ROBO2: variants seen among roughly 807,000 people sequenced by gnomAD.
ROBO2 encodes the protein roundabout homolog 2.
ROBO2 carries 53 observed loss-of-function variants against 160.8 expected under a neutral mutation model. The ratio of observed to expected loss-of-function variants is 0.33; its 90% CI spans 0.26 to 0.41. The LOEUF is 0.41. Ranked by LOEUF, ROBO2 falls within the 10% of genes least tolerant of loss-of-function variation. The pLI, the probability that ROBO2 is intolerant of heterozygous loss-of-function variation, is 1.00. For synonymous variants in ROBO2, 664 were observed against 611.7 expected (o/e 1.09, Z -1.26); for missense variants, 1,577 against 1,722.4 (o/e 0.92, Z 1.49).
At chr3:75,984,041 A>G (rs907858467) in intron 2 of ROBO2, among the ~76,000 whole-genome samples, 1 of 151,406 alleles carries the variant, frequency 6.6e-6, no homozygotes, top group Non-Finnish European at 1.5e-5. Flanking sequence ...AAATATTTCC[A>G]TCTGGAAGTG....
chr3:76,650,422 T>C (rs2091199697), intron 2 of ROBO2, among the ~76,000 whole-genome samples: 1 of 152,088 alleles, frequency 6.6e-6, no homozygotes, highest in Non-Finnish European at 1.5e-5. Flanking sequence ...TGCTTTATAG[T>C]TTTACCAAAT....
intron 2 of ROBO2, among the ~76,000 whole-genome samples, chr3:76,593,520 G>A (rs140732037): frequency 6.6e-6 from 1 of 152,046 alleles, no homozygotes; most frequent in Non-Finnish European, 1.5e-5. Context: ...TGAAATGAAT[G>A]AGCAGAACAT....
rs374507124 is a variant in ROBO2, at chr3:76,053,901, A to G, written c.109+116299A>G. ...AGCTTTTCAGAGCTTTTTATAGTTT[A>G]ATAAACATTTGCCTATTTCCCAAAA... is the stretch of plus-strand genomic sequence containing the variant. On this transcript the variant is annotated intron_variant, in intron 2 of 26. Coordinates refer to the ROBO2 transcript ENST00000487694. Among the ~76,000 whole-genome samples, 5 of 152,082 alleles carry G rather than the reference A, an allele frequency of 3.3e-5. No homozygotes were observed. In the East Asian group the frequency reaches 7.7e-4, roughly 23 times the overall value.
intron 2 of ROBO2, among the ~76,000 whole-genome samples, chr3:76,868,750 C>G (rs950972859): frequency 1.3e-5 from 2 of 151,550 alleles, no homozygotes; most frequent in East Asian, 3.9e-4. Context: ...CTAAAAATCA[C>G]TCGATGATTT....
At chr3:77,299,310 A>G (rs1340158894) in intron 2 of ROBO2, among the ~76,000 whole-genome samples, 1 of 152,130 alleles carries the variant, frequency 6.6e-6, no homozygotes, top group Non-Finnish European at 1.5e-5. Flanking sequence ...CTTAAGAGAG[A>G]GCGAAGACTA....
intron 2 of ROBO2, among the ~76,000 whole-genome samples, chr3:76,449,506 A>G (rs1299569345): frequency 1.3e-5 from 2 of 152,144 alleles, no homozygotes; most frequent in African/African-American, 2.4e-5. Context: ...TACATATTTC[A>G]TAAGAACTTT....
At chr3:77,245,083 T>C (rs564245044) in intron 2 of ROBO2, among the ~76,000 whole-genome samples, 1 of 152,266 alleles carries the variant, frequency 6.6e-6, no homozygotes, top group African/African-American at 2.4e-5. Flanking sequence ...CCAAGTTTTG[T>C]GCATGCTGCA....
At chr3:76,613,591 A>G (rs1242715532) in intron 2 of ROBO2, among the ~76,000 whole-genome samples, 1 of 151,872 alleles carries the variant, frequency 6.6e-6, no homozygotes, top group Non-Finnish European at 1.5e-5. Context: ...AAGTGCAGAG[A>G]GAAGACGGTA....
At chr3:77,593,025 C>T (rs2094215148) in intron 17 of ROBO2, among the ~76,000 whole-genome samples, 1 of 152,112 alleles carries the variant, frequency 6.6e-6, no homozygotes. Flanking sequence ...CTGGCAGTAA[C>T]AGAAAGTTTG....
intron 2 of ROBO2, among the ~76,000 whole-genome samples, chr3:77,024,571 G>T (rs1053074081): frequency 2.6e-5 from 4 of 152,086 alleles, no homozygotes; most frequent in Non-Finnish European, 5.9e-5. Flanking sequence ...TTAGGGATTT[G>T]TGGACTCTAA....
chr3:76,587,214 T>C (rs1018496782), intron 2 of ROBO2, among the ~76,000 whole-genome samples: 1 of 152,142 alleles, frequency 6.6e-6, no homozygotes, highest in Admixed American at 6.5e-5. Flanking sequence ...TTATTTATGT[T>C]TTTATTGCTT....
Position 77,075,672 on chromosome 3 carries a change from C to CTTTTTTTTTTTTTTTTTTTTTTTT in ROBO2, c.62-22319_62-22318insTTTTTTTTTTTTTTTTTTTTTTTT, listed in dbSNP as rs1174587812. On this transcript the variant is annotated intron_variant, in intron 1 of 25. Transcript: ENST00000461745. ...ATACACTACTATTTCTTTCTTTCTC[C>CTTTTTTTTTTTTTTTTTTTTTTTT]TTTTTTTTTTTTTTTTTTTTTTTGA... Among the ~76,000 whole-genome samples, 2 of 87,254 alleles carry CTTTTTTTTTTTTTTTTTTTTTTTT rather than the reference C, an allele frequency of 2.3e-5. 1 individual carries two copies. Among genetic ancestry groups the CTTTTTTTTTTTTTTTTTTTTTTTT allele is most frequent in the African/African-American group, 9.8e-5 (2 of 20,458 alleles). The allele number at this position is 87,254 out of a possible 152,430, so 57.2% of individuals were successfully genotyped here. A position where few individuals can be genotyped will look rare whatever the true frequency, so the allele number is the denominator to read the frequency against.
chr3:77,148,876 A>C (rs1453947495), intron 2 of ROBO2, among the ~76,000 whole-genome samples: 1 of 152,200 alleles, frequency 6.6e-6, no homozygotes, highest in East Asian at 1.9e-4. Context: ...AAAAGCATAG[A>C]TTGAATCCAC....
At chr3:75,949,901 A>AT (rs375023262) in intron 2 of ROBO2, among the ~76,000 whole-genome samples, 133 of 152,136 alleles carry the variant, frequency 8.7e-4, no homozygotes, top group African/African-American at 3.0e-3. Context: ...GTGTTTAATC[A>AT]TTTTTGTATG....
At chr3:77,557,778 T>C (rs1197413127) in intron 8 of ROBO2, among the ~76,000 whole-genome samples, 166 bp from the exon 10 acceptor site, 1 of 151,968 alleles carries the variant, frequency 6.6e-6, no homozygotes, top group East Asian at 1.9e-4. Flanking sequence ...ATGATAGATA[T>C]ATGATAGATT....
intron 6 of ROBO2, among the ~76,000 whole-genome samples, chr3:77,543,898 T>C (rs2092588939): frequency 6.6e-6 from 1 of 152,260 alleles, no homozygotes; most frequent in Non-Finnish European, 1.5e-5. Flanking sequence ...ATCTTTTAAG[T>C]GACTGATTTT....
chr3:77,569,347 G>A (rs893098537), intron 13 of ROBO2, among the ~76,000 whole-genome samples: 2 of 151,890 alleles, frequency 1.3e-5, no homozygotes, highest in Admixed American at 6.6e-5. Flanking sequence ...ATTATCATCT[G>A]CCATTTGGAT....
At chr3:76,962,218 C>A (rs1324181532) in intron 2 of ROBO2, among the ~76,000 whole-genome samples, 1 of 152,006 alleles carries the variant, frequency 6.6e-6, no homozygotes, top group Admixed American at 6.6e-5. Context: ...GCCTGTAATC[C>A]AAGCTACTTG....
At chr3:76,385,875 A>G (rs1347897468) in intron 2 of ROBO2, among the ~76,000 whole-genome samples, 8 of 152,166 alleles carry the variant, frequency 5.3e-5, no homozygotes, top group Non-Finnish European at 4.4e-5. Flanking sequence ...CTGTGTTTCT[A>G]GATTAGAAAC....
Sources: gnomAD v4.1 joint callset for allele counts (sites outside exome capture counted in the v4.1 genomes callset) on GRCh38, gnomAD v4.1.1 for gene constraint, MANE v1.5 for transcripts, NCBI Gene and HGNC (gene_info 2026-07-23, HGNC 2026-07-21) for gene names.